The following ACSL5 variants were observed in gnomAD, a reference collection of about 807,000 sequenced individuals.
ACSL5 encodes the protein acyl-CoA synthetase long chain family member 5.
Under a neutral mutation model 84.9 loss-of-function variants are expected in ACSL5, and 50 were observed. The observed-to-expected ratio is 0.59, with a 90% CI of 0.47 to 0.75. The LOEUF (loss-of-function observed/expected upper bound fraction) is 0.75. Among genes scored for constraint, ACSL5 ranks in the 30% least tolerant of loss-of-function variants. ACSL5 has a pLI of 0.00. For missense variants in ACSL5, 775 were observed against 830.4 expected (o/e 0.93, Z 0.82); for synonymous variants, 280 against 300.7 (o/e 0.93, Z 0.71).
intron 1 of ACSL5, among the ~76,000 whole-genome samples, chr10:112,380,709 G>A (rs1427989014): frequency 1.3e-5 from 2 of 152,178 alleles, no homozygotes; most frequent in African/African-American, 2.4e-5. Flanking sequence ...CCCACTGGTT[G>A]GAATCATAGT....
intron 1 of ACSL5, among the ~76,000 whole-genome samples, chr10:112,381,560 C>T (rs1261730742): frequency 1.3e-5 from 2 of 150,756 alleles, no homozygotes; most frequent in Admixed American, 6.6e-5. Context: ...CCCAGCTACT[C>T]GGGAGGCTGA....
At chr10:112,417,466 G>T (rs1189157065) in intron 13 of ACSL5, among the ~76,000 whole-genome samples, 1 of 150,620 alleles carries the variant, frequency 6.6e-6, no homozygotes, top group African/African-American at 2.4e-5. Context: ...TAGCACCACT[G>T]CACTCCAGCC....
At chr10:112,426,936 A>G in intron 20 of ACSL5, 77 bp downstream of exon 20, 1 of 1,236,452 alleles carries the variant, frequency 8.1e-7, no homozygotes. Context: ...TGAGGTTTAA[A>G]TGTATAATTT....
chr10:112,380,503 A>G (rs943349461), intron 1 of ACSL5, among the ~76,000 whole-genome samples: 62 of 90,318 alleles, frequency 6.9e-4, no homozygotes, highest in African/African-American at 2.4e-3. Context: ...CTCCACCTCC[A>G]GCAGAAATAC....
At chr10:112,426,617 C>G in intron 19 of ACSL5, 171 bp from the exon 20 acceptor site, 1 of 644,868 alleles carries the variant, frequency 1.6e-6, no homozygotes, top group Non-Finnish European at 2.7e-6. Flanking sequence ...CTTAGATGTG[C>G]CTTTTCTTCT....
intron 14 of ACSL5, chr10:112,420,037 G>A (rs1564743136): frequency 6.6e-6 from 1 of 152,198 alleles, no homozygotes; most frequent in African/African-American, 2.4e-5. Context: ...TTCCTCATGA[G>A]TCCCCTATCT....
intron 7 of ACSL5, 75 bp from the exon 8 acceptor site, chr10:112,410,388 A>C (rs991318919): frequency 6.2e-7 from 1 of 1,607,998 alleles, no homozygotes; most frequent in African/African-American, 1.3e-5. Context: ...CGGGAAAGGG[A>C]GGGAGAGGGC....
chr10:112,413,057 C>T, intron 11 of ACSL5, 116 bp from the exon 12 acceptor site: 2 of 1,105,254 alleles, frequency 1.8e-6, no homozygotes, highest in South Asian at 3.0e-5. Flanking sequence ...CCTTCCAAGA[C>T]AGGTCCCCAC....
At chr10:112,390,655 A>AATAGATAG (rs56390024) in intron 1 of ACSL5, among the ~76,000 whole-genome samples, 2,484 of 149,554 alleles carry the variant, frequency 0.017, 19 homozygotes, top group Admixed American at 0.025. Context: ...TAGATAGATA[A>AATAGATAG]ATAGATAGAT....
intron 7 of ACSL5, 33 bp downstream of exon 7, chr10:112,409,718 T>C: frequency 1.2e-6 from 2 of 1,608,798 alleles, no homozygotes; most frequent in Non-Finnish European, 8.5e-7. Context: ...GCAGCTCCAA[T>C]GCTTGTCCAA....
chr10:112,386,463 G>C (rs1378214826), intron 1 of ACSL5, among the ~76,000 whole-genome samples: 1 of 151,758 alleles, frequency 6.6e-6, no homozygotes, highest in Non-Finnish European at 1.5e-5. Context: ...CAAAGTGCTG[G>C]GATTACAGGC....
chr10:112,409,451 C>A, intron 6 of ACSL5, 56 bp from the exon 7 acceptor site: 5 of 1,537,996 alleles, frequency 3.3e-6, no homozygotes, highest in Non-Finnish European at 4.5e-6. Context: ...TCTTGCAAGG[C>A]AATCAGGTAC....
chr10:112,420,525 A>G (rs1169427709), intron 14 of ACSL5, among the ~76,000 whole-genome samples: 2 of 152,184 alleles, frequency 1.3e-5, no homozygotes, highest in African/African-American at 4.8e-5. Context: ...CTGTACAGAT[A>G]AAGTTTGCCC....
intron 3 of ACSL5, among the ~76,000 whole-genome samples, chr10:112,403,228 T>C (rs576472080): frequency 8.5e-5 from 13 of 152,388 alleles, no homozygotes; most frequent in Middle Eastern, 6.8e-3. Flanking sequence ...CTTTACTAGC[T>C]GTTAAAGAAA....
intron 1 of ACSL5, among the ~76,000 whole-genome samples, chr10:112,391,501 T>C (rs1439473185): frequency 1.3e-5 from 2 of 152,214 alleles, no homozygotes; most frequent in Admixed American, 6.5e-5. Context: ...CTTCCTTCAT[T>C]GTCTTCCTCA....
In ACSL5 at chr10:112,410,571, C is replaced by T. The variant is rs116306077; in HGVS notation, c.745-13C>T. 5.8e-4 allele frequency: 935 copies of T among 1,614,156 alleles called. 8 individuals carry two copies. The African/African-American group carries it at 0.012, about 20-fold the overall frequency. On this transcript the variant is annotated splice_polypyrimidine_tract_variant and intron_variant, in intron 8 of 20. Coordinates refer to ENST00000354655, the MANE Select transcript of ACSL5 (RefSeq NM_203379.2). ...GTTCATGGTGGAATAAGCCCTTGTG[C>T]TTCCTCCTCCAGCCTCCTAGCCCAG...
intron 1 of ACSL5, among the ~76,000 whole-genome samples, chr10:112,378,045 A>G (rs994248834): frequency 6.6e-6 from 1 of 152,158 alleles, no homozygotes; most frequent in Non-Finnish European, 1.5e-5. Context: ...AGACACCAAC[A>G]ACAACATCAG....
At chr10:112,394,241 TTCTGTGTA>T in intron 1 of ACSL5, among the ~76,000 whole-genome samples, 1 of 152,330 alleles carries the variant, frequency 6.6e-6, no homozygotes, top group South Asian at 2.1e-4. Context: ...CCAGCACTGT[TTCTGTGTA>T]CCTGACTGAC....
intron 3 of ACSL5, among the ~76,000 whole-genome samples, chr10:112,400,152 C>A (rs1843845390): frequency 6.6e-6 from 1 of 152,138 alleles, no homozygotes; most frequent in Admixed American, 6.6e-5. Flanking sequence ...ACATCAGTTT[C>A]TTTACTTCTC....
Sources: gnomAD v4.1 joint callset for allele counts (sites outside exome capture counted in the v4.1 genomes callset) on GRCh38, gnomAD v4.1.1 for gene constraint, MANE v1.5 for transcripts, NCBI Gene and HGNC (gene_info 2026-07-23, HGNC 2026-07-21) for gene names.